ZBBX: variants seen among roughly 807,000 people sequenced by gnomAD.
The protein encoded by ZBBX is zinc finger B-box domain containing, also known as zinc finger B-box domain-containing protein 1.
Under a neutral mutation model 108.5 loss-of-function variants are expected in ZBBX, and 101 were observed. The ratio of observed to expected loss-of-function variants is 0.93; its 90% CI spans 0.79 to 1.10. The LOEUF is 1.10. Ranked by LOEUF, ZBBX falls within the 50% of genes least tolerant of loss-of-function variation. ZBBX has a pLI of 0.00. For synonymous variants in ZBBX, 356 were observed against 323.4 expected (o/e 1.10, Z -1.08); for missense variants, 1,009 against 941.4 (o/e 1.07, Z -0.94).
chr3:167,275,216 C>G (rs1344200801), intron 20 of ZBBX, among the ~76,000 whole-genome samples: 1 of 151,960 alleles, frequency 6.6e-6, no homozygotes, highest in Non-Finnish European at 1.5e-5. Flanking sequence ...AATATATATT[C>G]TTCTATGTTT....
intron 5 of ZBBX, chr3:167,366,666 G>T: frequency 3.0e-6 from 1 of 336,288 alleles, no homozygotes; most frequent in Non-Finnish European, 5.9e-6. Context: ...TTCTGGCTAT[G>T]ACATTTAATA....
At chr3:167,331,269 G>A (rs1449379610) in intron 10 of ZBBX, among the ~76,000 whole-genome samples, 1 of 152,108 alleles carries the variant, frequency 6.6e-6, no homozygotes, top group African/African-American at 2.4e-5. Context: ...GGAAAGCTAG[G>A]TAGGGCGCCT....
intron 20 of ZBBX, among the ~76,000 whole-genome samples, chr3:167,269,311 AG>A: frequency 6.6e-6 from 1 of 152,350 alleles, no homozygotes; most frequent in Middle Eastern, 3.4e-3. Context: ...AAGGGTTTAA[AG>A]CAAAAGTCTT....
At chr3:167,227,325 G>A in the ZBBX span, among the ~76,000 whole-genome samples, 5 of 151,664 alleles carry the variant, frequency 3.3e-5, no homozygotes, top group Non-Finnish European at 7.4e-5. Context: ...AAGTCTGGGT[G>A]TAAAACTTCT....
chr3:167,226,467 AC>A, the ZBBX span, among the ~76,000 whole-genome samples: 1 of 151,690 alleles, frequency 6.6e-6, no homozygotes, highest in Non-Finnish European at 1.5e-5. Flanking sequence ...GACCCATATA[AC>A]CCAAGGAAAC....
At chr3:167,263,414 T>C (rs996165431) in intron 20 of ZBBX, among the ~76,000 whole-genome samples, 1 of 152,224 alleles carries the variant, frequency 6.6e-6, no homozygotes, top group African/African-American at 2.4e-5. Flanking sequence ...TAGGTTTTGG[T>C]ATATGGTATT....
At chr3:167,371,942 A>C (rs765835877) in intron 4 of ZBBX, among the ~76,000 whole-genome samples, 7 of 152,228 alleles carry the variant, frequency 4.6e-5, no homozygotes, top group African/African-American at 1.7e-4. Context: ...GGCTGGGTGC[A>C]CTGGCTCACA....
At chr3:167,290,304 C>A (rs1730457397) in intron 18 of ZBBX, among the ~76,000 whole-genome samples, 1 of 152,180 alleles carries the variant, frequency 6.6e-6, no homozygotes, top group African/African-American at 2.4e-5. Flanking sequence ...TACAGGAGAG[C>A]TCTGGCTGGC....
intron 9 of ZBBX, among the ~76,000 whole-genome samples, chr3:167,339,331 C>T (rs1039724392): frequency 6.6e-6 from 1 of 152,082 alleles, no homozygotes; most frequent in Non-Finnish European, 1.5e-5. Flanking sequence ...TCTAGAAAAA[C>T]TATGAGCACA....
chr3:167,193,988 TGAA>T, the ZBBX span, among the ~76,000 whole-genome samples: 1 of 151,918 alleles, frequency 6.6e-6, no homozygotes, highest in South Asian at 2.1e-4. Flanking sequence ...TGGGGGAAGT[TGAA>T]GAGAGGTTGG....
the ZBBX span, among the ~76,000 whole-genome samples, chr3:167,198,613 A>G: frequency 3.3e-5 from 5 of 152,196 alleles, no homozygotes; most frequent in African/African-American, 1.2e-4. Flanking sequence ...CCCATTTAAA[A>G]TTGTGACAAA....
At chr3:167,388,912 A>C (rs1748003012) in intron 1 of ZBBX, among the ~76,000 whole-genome samples, 1 of 152,048 alleles carries the variant, frequency 6.6e-6, no homozygotes, top group Non-Finnish European at 1.5e-5. Flanking sequence ...ATAAGCTTCA[A>C]CATTTTCTAA....
chr3:167,279,880 G>A (rs1328030089), intron 20 of ZBBX, among the ~76,000 whole-genome samples: 2 of 152,042 alleles, frequency 1.3e-5, no homozygotes, highest in Non-Finnish European at 2.9e-5. Context: ...AAACAGCATG[G>A]TACTGGTACC....
chr3:167,307,800 T>C (rs1198589276), intron 16 of ZBBX, among the ~76,000 whole-genome samples: 3 of 152,230 alleles, frequency 2.0e-5, no homozygotes, highest in Non-Finnish European at 2.9e-5. Flanking sequence ...TTATACCATA[T>C]ACAAAAATTA....
chr3:167,335,368 G>A (rs868727597), intron 9 of ZBBX, among the ~76,000 whole-genome samples: 11 of 152,090 alleles, frequency 7.2e-5, no homozygotes, highest in East Asian at 5.8e-4. Flanking sequence ...ATTTGGGGAA[G>A]GCCCCATTCT....
At chr3:167,358,513 A>G (rs2108530094) in intron 8 of ZBBX, among the ~76,000 whole-genome samples, 1 of 152,312 alleles carries the variant, frequency 6.6e-6, no homozygotes, top group South Asian at 2.1e-4. Flanking sequence ...CTAAGTTGAC[A>G]CATTTTATGT....
chr3:167,207,555 T>C, the ZBBX span, among the ~76,000 whole-genome samples: 1 of 152,174 alleles, frequency 6.6e-6, no homozygotes, highest in Non-Finnish European at 1.5e-5. Flanking sequence ...ATATACACAA[T>C]GGAGTTCTGT....
chr3:167,244,113 T>C (rs1433735734), intron 20 of ZBBX, among the ~76,000 whole-genome samples: 1 of 152,158 alleles, frequency 6.6e-6, no homozygotes, highest in Non-Finnish European at 1.5e-5. Flanking sequence ...CAGGGAATTA[T>C]GGGCCCATGA....
chr3:167,355,913 T>A (rs1017851073), intron 8 of ZBBX, among the ~76,000 whole-genome samples: 1 of 152,096 alleles, frequency 6.6e-6, no homozygotes, highest in Non-Finnish European at 1.5e-5. Context: ...GCATACAATG[T>A]CACTCTCCTG....
Sources: allele counts gnomAD v4.1 joint callset (sites outside exome capture counted in the v4.1 genomes callset), GRCh38; gene constraint gnomAD v4.1.1; transcripts MANE v1.5; gene names NCBI Gene and HGNC (gene_info 2026-07-23, HGNC 2026-07-21).